Variants in COL6A2 observed in about 807,000 individuals in gnomAD.
COL6A2 encodes collagen alpha-2(VI) chain.
In COL6A2, 90 loss-of-function variants were observed where a neutral mutation model predicts 124.9. The ratio of observed to expected loss-of-function variants is 0.72; its 90% CI spans 0.61 to 0.86. The LOEUF is 0.86. Ranked by LOEUF, COL6A2 falls within the 40% of genes least tolerant of loss-of-function variation. COL6A2 has a pLI of 0.00. For synonymous variants in COL6A2, 793 were observed against 618.2 expected (o/e 1.28, Z -4.19); for missense variants, 1,607 against 1,502.5 (o/e 1.07, Z -1.15).
At chr21:46,127,081 G>A (rs1230271568) in intron 27 of COL6A2, among the ~76,000 whole-genome samples, 1 of 151,938 alleles carries the variant, frequency 6.6e-6, no homozygotes, top group Non-Finnish European at 1.5e-5. Context: ...TGGAGCTGGG[G>A]GTGCCGTCCA....
At chr21:46,126,663 C>T (rs535870164) in intron 27 of COL6A2, 122 bp downstream of exon 27, 12 of 1,186,544 alleles carry the variant, frequency 1.0e-5, no homozygotes, top group Admixed American at 5.8e-5. Flanking sequence ...GGAGCCACTG[C>T]GGAGGCTGCT....
At position 46,132,331 on chromosome 21, in the gene COL6A2, C is replaced by T; in HGVS notation, c.2839C>T (p.Leu947Phe). ...GCACGCAGAGCTGTCCTTCGTGTTCCTCACGGACGGCGTCACGGGCAACGA... is the reference window on the plus strand; with the variant it reads ...GCACGCAGAGCTGTCCTTCGTGTTCTTCACGGACGGCGTCACGGGCAACGA... ...RRHAELSFVF[L>F]TDGVTGNDSL... Residue 947 changes from leucine to phenylalanine, a missense_variant, in exon 28 of 28, where the codon CTC (leucine) becomes TTC (phenylalanine). This residue lies in a region of COL6A2 where 1,223 missense variants were observed against 1,052.2 expected (regional missense o/e 1.16). Transcript: ENST00000300527. The T allele has an allele frequency of 6.2e-7, 1 of 1,607,812 alleles. No individual in the cohort carries two copies. Among genetic ancestry groups the T allele is most frequent in the Non-Finnish European group, 8.5e-7 (1 of 1,179,576 alleles).
At chr21:46,121,353 G>A (rs1402307218) in intron 17 of COL6A2, among the ~76,000 whole-genome samples, 2 of 152,196 alleles carry the variant, frequency 1.3e-5, no homozygotes, top group Non-Finnish European at 2.9e-5. Flanking sequence ...CAGGGGCAAG[G>A]CAGTGGGCCT....
rs746339542 is a variant in COL6A2, at chr21:46,125,559, C to G, written c.1911C>G (p.Phe637Leu). The G allele has an allele frequency of 1.9e-6, 3 of 1,612,682 alleles. No homozygotes were observed. Among genetic ancestry groups the G allele is most frequent in the Non-Finnish European group, 2.5e-6 (3 of 1,179,926 alleles). ...CCAACTTCACACTGGAGAAGAACTT[C>G]GTCATCAACGTGGTCAACAGGCTGG... ...GYTNFTLEKN[F>L]VINVVNRLGA... is the part of the protein sequence containing the mutation. The change falls in exon 25 of 28, where the codon TTC (phenylalanine) becomes TTG (leucine). Residue 637 changes from phenylalanine (F) to leucine (L), a missense_variant. Transcript: ENST00000300527.
chr21:46,124,019 GAGTGGATGGACAGACGGAC>G (rs1156869240), intron 21 of COL6A2, among the ~76,000 whole-genome samples: 1 of 132,674 alleles, frequency 7.5e-6, no homozygotes, highest in African/African-American at 2.9e-5. Flanking sequence ...TTAGGTGAAT[GAGTGGATGGACAGACGGAC>G]AGTGGGTGGA....
At position 46,116,601 on chromosome 21, in the gene COL6A2, A is replaced by AT; in HGVS notation, c.928-49dup. The AT allele has an allele frequency of 6.2e-7, 1 of 1,611,958 alleles. No individual in the cohort carries two copies. Among genetic ancestry groups the AT allele is most frequent in the Non-Finnish European group, 8.5e-7 (1 of 1,179,260 alleles). On this transcript the variant is annotated intron_variant, in intron 8 of 27. Coordinates refer to ENST00000300527, the MANE Select transcript of COL6A2 (RefSeq NM_001849.4). The surrounding 1 kb of genome is among the most constrained non-coding windows in gnomAD (Gnocchi z 4.6). ...TTGCCCCCCAGAGGCAGCAGTGCCCATGATGCTTTGAGGCACCGAGCTCAC... is the reference window on the plus strand; with the variant it reads ...TTGCCCCCCAGAGGCAGCAGTGCCCATTGATGCTTTGAGGCACCGAGCTCAC...
intron 1 of COL6A2, among the ~76,000 whole-genome samples, chr21:46,111,178 A>G (rs1163476264): frequency 2.0e-5 from 3 of 152,140 alleles, no homozygotes; most frequent in East Asian, 1.9e-4. Context: ...CCTGGAGGAC[A>G]TGGAAGGGCC....
At chr21:46,103,700 T>A (rs186419138) in intron 1 of COL6A2, among the ~76,000 whole-genome samples, 29 of 152,348 alleles carry the variant, frequency 1.9e-4, no homozygotes, top group African/African-American at 5.8e-4. Flanking sequence ...CGTGATTTTT[T>A]AAATGTCCTT....
rs1164722145 is a variant in COL6A2, at chr21:46,104,351, C to T, written c.-28+6178C>T. Among the ~76,000 whole-genome samples, 7 of 151,840 alleles carry T rather than the reference C, an allele frequency of 4.6e-5. No homozygotes were observed. The South Asian group carries it at 1.5e-3, about 32-fold the overall frequency. ...AAAGCTAGAAATTTTAAAAAGAAAC[C>T]AAAGGGAAATTCTGGAGCTGAAAAG... On this transcript the variant is annotated intron_variant, in intron 1 of 27. Transcript: ENST00000300527.
chr21:46,112,088 G>A lies in COL6A2; in HGVS notation c.225G>A (p.Pro75=), dbSNP rs143678454. 6.0e-5 allele frequency: 96 copies of A among 1,613,072 alleles called. No homozygotes were observed. Among genetic ancestry groups the A allele is most frequent in the Non-Finnish European group, 7.5e-5 (88 of 1,180,038 alleles). The change falls in exon 3 of 28, where the codon CCG becomes CCA. Residue 75 remains proline, a synonymous_variant. Transcript: ENST00000300527. ...ILLFHMKQFV[P]QFISQLQNEF... is the part of the protein sequence containing the mutation. Reference sequence around the variant, plus strand: ...TCTTCCACATGAAGCAGTTCGTGCCGCAGTTCATCAGCCAGCTGCAGAACG... The same window carrying A: ...TCTTCCACATGAAGCAGTTCGTGCCACAGTTCATCAGCCAGCTGCAGAACG...
chr21:46,104,920 C>G (rs1265201507), intron 1 of COL6A2, among the ~76,000 whole-genome samples: 4 of 152,310 alleles, frequency 2.6e-5, no homozygotes, highest in African/African-American at 9.6e-5. Context: ...CCAAGAAGCC[C>G]ACATCCAGCA....
At position 46,129,683 on chromosome 21, in the gene COL6A2, G is replaced by A. The variant is rs181658048; in HGVS notation, c.2462-2271G>A. ...TGGTGGCCACCGTGTCCCTTGCTGCGGCTGCATCTTCCAGTCTCTCCTCCG... is the reference window on the plus strand; with the variant it reads ...TGGTGGCCACCGTGTCCCTTGCTGCAGCTGCATCTTCCAGTCTCTCCTCCG... On this transcript the variant is annotated intron_variant, in intron 27 of 27. Transcript: ENST00000300527. 3.0e-4 allele frequency: 426 copies of A among 1,417,096 alleles called. 1 individual carries two copies. The highest frequency in any genetic ancestry group is 2.9e-3 in the Middle Eastern group (11 of 3,832). The allele number at this position is 1,417,096 out of a possible 1,614,324, so 87.8% of individuals were successfully genotyped here.
chr21:46,131,116 C>T (rs535436924), intron 27 of COL6A2, among the ~76,000 whole-genome samples: 3 of 152,324 alleles, frequency 2.0e-5, no homozygotes, highest in African/African-American at 4.8e-5. Flanking sequence ...AGCAGACACC[C>T]TTGGGGAAAC....
In COL6A2 at chr21:46,120,391, G is replaced by A. The variant is rs562049195; in HGVS notation, c.1333-124G>A. The stretch of plus-strand genomic sequence containing the variant: ...AACAGGCGACTGTTGCAGGTCCCCC[G>A]GGACAGACGGGGTTCTTCCTCCCAG... On this transcript the variant is annotated intron_variant, in intron 15 of 27. Coordinates refer to ENST00000300527, the MANE Select transcript of COL6A2 (RefSeq NM_001849.4). The A allele has an allele frequency of 2.7e-4, 197 of 739,632 alleles. No homozygotes were observed. The East Asian group carries it at 2.8e-3, about 10-fold the overall frequency. 45.8% of individuals were successfully genotyped at this position (739,632 alleles called of 1,614,324 possible).
rs376139670 is a variant in COL6A2 at position 46,112,399 on chromosome 21, G to A, written c.536G>A (p.Arg179Gln). 34 of 1,607,702 alleles carry A rather than the reference G, an allele frequency of 2.1e-5. No homozygotes were observed. The highest frequency in any genetic ancestry group is 1.2e-4 in the Admixed American group (7 of 59,846). Reference sequence around the variant, plus strand: ...GGGGGCATCAAGCTGCAGGCCGAGCGGGCCCGCGAGGAGGGCATCCGGCTC... The same window carrying A: ...GGGGGCATCAAGCTGCAGGCCGAGCAGGCCCGCGAGGAGGGCATCCGGCTC... ...PCGGIKLQAE[R>Q]AREEGIRLFA... Residue 179 changes from arginine to glutamine, a missense_variant, in exon 3 of 28, where the codon CGG becomes CAG. Physicochemically the swap from Arg to Gln is conservative, Grantham distance 43 (BLOSUM62 1). This residue lies in a region of COL6A2 where 342 missense variants were observed against 381.5 expected (regional missense o/e 0.90). Coordinates refer to ENST00000300527, the MANE Select transcript of COL6A2 (RefSeq NM_001849.4).
At position 46,125,494 on chromosome 21, in the gene COL6A2, G is replaced by C. The variant is rs746193653; in HGVS notation, c.1846G>C (p.Val616Leu). The change falls in exon 25 of 28, where the codon GTG (valine) becomes CTG (leucine). Residue 616 changes from valine (V) to leucine (L), a missense_variant. Val to Leu is a conservative substitution (Grantham distance 32). Around this residue, in one of 3 missense-constraint regions of COL6A2, gnomAD observed 1,223 missense variants for 1,052.2 expected, o/e 1.16. Coordinates refer to ENST00000300527, the MANE Select transcript of COL6A2 (RefSeq NM_001849.4). Reference protein sequence around the residue: ...DCEKRCGALDVVFVIDSSESI... With the variant: ...DCEKRCGALDLVFVIDSSESI... Reference sequence around the variant, plus strand: ...TGAGAAGCGCTGTGGCGCCCTGGACGTGGTCTTCGTCATCGACAGCTCCGA... The same window carrying C: ...TGAGAAGCGCTGTGGCGCCCTGGACCTGGTCTTCGTCATCGACAGCTCCGA... 3 of 1,612,990 alleles carry C rather than the reference G, an allele frequency of 1.9e-6. No individual in the cohort carries two copies. The Admixed American group carries it at 5.0e-5, about 27-fold the overall frequency.
chr21:46,130,558 A>G (rs1161678502), intron 27 of COL6A2, among the ~76,000 whole-genome samples: 1 of 151,972 alleles, frequency 6.6e-6, no homozygotes, highest in African/African-American at 2.4e-5. Flanking sequence ...GGAGGAGAGC[A>G]GAGTCCACAG....
chr21:46,102,425 G>A (rs796745097), intron 1 of COL6A2, among the ~76,000 whole-genome samples: 9 of 152,226 alleles, frequency 5.9e-5, no homozygotes, highest in African/African-American at 2.2e-4. Context: ...TTCCAGTACA[G>A]TGTTAAATAG....
rs398122821 is a variant in COL6A2 at position 46,125,500 on chromosome 21, TTCGTCA to T, written c.1856_1861del (p.Val619_Ile620del). 6.2e-7 allele frequency: 1 copy of T among 1,612,972 alleles called. No individual in the cohort carries two copies. Among genetic ancestry groups the T allele is most frequent in the South Asian group, 1.1e-5 (1 of 91,090 alleles). On this transcript the variant is annotated inframe_deletion, in exon 25 of 28. Transcript: ENST00000300527. ...GCGCTGTGGCGCCCTGGACGTGGTC[TTCGTCA>T]TCGACAGCTCCGAGAGCATTGGGTA...
Sources: allele counts gnomAD v4.1 joint callset (sites outside exome capture counted in the v4.1 genomes callset), GRCh38; gene constraint gnomAD v4.1.1; regional missense constraint gnomAD v4.1.1; non-coding constraint Gnocchi (gnomAD v3.1); transcripts MANE v1.5; gene names NCBI Gene and HGNC (gene_info 2026-07-23, HGNC 2026-07-21).